The following MPHOSPH9 variants were observed in gnomAD, a reference collection of about 807,000 sequenced individuals.
MPHOSPH9 encodes M-phase phosphoprotein 9.
A neutral mutation model predicts 145.5 loss-of-function variants in MPHOSPH9; 88 were observed. That is an observed-to-expected ratio of 0.60 (90% CI 0.51 to 0.72). MPHOSPH9 has a LOEUF of 0.72. Among genes scored for constraint, MPHOSPH9 ranks in the 30% least tolerant of loss-of-function variants. The pLI is 0.00. For missense variants in MPHOSPH9, 1,238 were observed against 1,386.6 expected, an observed-to-expected ratio of 0.89 and a Z score of 1.70; for synonymous variants, 435 against 486.2, an observed-to-expected ratio of 0.89 and a Z score of 1.39.
intron 3 of MPHOSPH9, chr12:123,226,378 T>C (rs1251108118): frequency 9.5e-7 from 1 of 1,058,178 alleles, no homozygotes; most frequent in Middle Eastern, 3.0e-4. Context: ...ATTATGCTTC[T>C]AAAAGTACAA....
intron 12 of MPHOSPH9, among the ~76,000 whole-genome samples, chr12:123,197,006 G>C (rs577909850): frequency 1.3e-5 from 2 of 148,886 alleles, no homozygotes; most frequent in Non-Finnish European, 3.0e-5. Flanking sequence ...GACAGAATGT[G>C]GGGGGTGACG....
chr12:123,201,388 T>C (rs929901250), intron 11 of MPHOSPH9, among the ~76,000 whole-genome samples: 1 of 152,124 alleles, frequency 6.6e-6, no homozygotes, highest in Non-Finnish European at 1.5e-5. Flanking sequence ...AAGTCCTATT[T>C]ATTTATTTAG....
At chr12:123,195,402 T>A (rs1373108853) in intron 12 of MPHOSPH9, among the ~76,000 whole-genome samples, 1 of 151,500 alleles carries the variant, frequency 6.6e-6, no homozygotes, top group Non-Finnish European at 1.5e-5. Flanking sequence ...CTGGCCAACA[T>A]GGTGAAACCC....
intron 14 of MPHOSPH9, among the ~76,000 whole-genome samples, chr12:123,180,484 T>C (rs1188307810): frequency 6.6e-6 from 1 of 152,136 alleles, no homozygotes; most frequent in Admixed American, 6.6e-5. Flanking sequence ...AAATATGTAG[T>C]CTCCAAACAG....
chr12:123,168,072 G>A (rs1245046872), intron 16 of MPHOSPH9, among the ~76,000 whole-genome samples: 1 of 152,042 alleles, frequency 6.6e-6, no homozygotes, highest in Non-Finnish European at 1.5e-5. Flanking sequence ...TACGATCCTT[G>A]GCCTCTCCAT....
At chr12:123,224,757 G>A (rs746739972) in intron 3 of MPHOSPH9, among the ~76,000 whole-genome samples, 4 of 152,104 alleles carry the variant, frequency 2.6e-5, no homozygotes, top group Non-Finnish European at 4.4e-5. Flanking sequence ...TAAATATTTC[G>A]CACAGTATTC....
downstream of MPHOSPH9, among the ~76,000 whole-genome samples, chr12:123,153,884 T>A (rs934899289): frequency 4.7e-5 from 7 of 150,128 alleles, no homozygotes; most frequent in Non-Finnish European, 9.0e-5. Flanking sequence ...AAATCTCCCT[T>A]AATGAAAGGA....
chr12:123,213,049 C>T (rs1335976971), intron 7 of MPHOSPH9, among the ~76,000 whole-genome samples: 3 of 151,388 alleles, frequency 2.0e-5, no homozygotes, highest in East Asian at 2.0e-4. Flanking sequence ...TTAGTAGAGA[C>T]GGGGTTTCAC....
At chr12:123,158,225 G>T (rs886378880) in intron 23 of MPHOSPH9, among the ~76,000 whole-genome samples, 4 of 151,874 alleles carry the variant, frequency 2.6e-5, no homozygotes, top group Non-Finnish European at 5.9e-5. Flanking sequence ...CCTGACTGCA[G>T]GTGATCTGAT....
At chr12:123,219,958 A>G (rs942078475) in intron 5 of MPHOSPH9, among the ~76,000 whole-genome samples, 1 of 152,168 alleles carries the variant, frequency 6.6e-6, no homozygotes, top group Admixed American at 6.6e-5. Context: ...CAAGGTGGGC[A>G]TATGTTGTAA....
At chr12:123,204,591 T>G (rs2046349594) in intron 8 of MPHOSPH9, among the ~76,000 whole-genome samples, 1 of 152,146 alleles carries the variant, frequency 6.6e-6, no homozygotes, top group Non-Finnish European at 1.5e-5. Context: ...GATATGACCC[T>G]AGGCTGGACA....
In MPHOSPH9 at chr12:123,162,189, G is replaced by T; in HGVS notation, c.3059C>A (p.Thr1020Asn). 1 of 1,548,174 alleles carries T rather than the reference G, an allele frequency of 6.5e-7. No homozygotes were observed. The highest frequency in any genetic ancestry group is 1.3e-5 in the South Asian group (1 of 77,150). ...ACGTTGTAATGTAGACACAGGAACAGTATCTAAATCATCCAAAAGTATATC... is the reference window on the plus strand; with the variant it reads ...ACGTTGTAATGTAGACACAGGAACATTATCTAAATCATCCAAAAGTATATC... Reference protein sequence around the residue: ...RFDILLDDLDTVPVSTLQRTN... With the variant: ...RFDILLDDLDNVPVSTLQRTN... Residue 1020 changes from threonine (T) to asparagine (N), a missense_variant, in exon 21 of 24, where the codon ACT becomes AAT. This residue lies in a region of MPHOSPH9 where 393 missense variants were observed against 462.5 expected (regional missense o/e 0.85). Transcript: ENST00000606320.
At chr12:123,228,065 G>A (rs559186008) in intron 2 of MPHOSPH9, among the ~76,000 whole-genome samples, 1 of 152,246 alleles carries the variant, frequency 6.6e-6, no homozygotes, top group South Asian at 2.1e-4. Flanking sequence ...ATAAGCTGAT[G>A]CTTATCTCTG....
At chr12:123,234,249 A>C (rs549589982), upstream of MPHOSPH9, among the ~76,000 whole-genome samples, 13 of 152,292 alleles carry the variant, frequency 8.5e-5, 1 homozygote, top group South Asian at 2.5e-3. Flanking sequence ...GCTCACAGTA[A>C]AGGGACTTCC....
At chr12:123,201,811 A>G (rs887079857) in intron 11 of MPHOSPH9, among the ~76,000 whole-genome samples, 1 of 152,168 alleles carries the variant, frequency 6.6e-6, no homozygotes, top group Non-Finnish European at 1.5e-5. Context: ...TCCCCTGCAT[A>G]TCTTTGTGGG....
At chr12:123,218,334 C>T in intron 6 of MPHOSPH9, 42 bp downstream of exon 6, 2 of 1,610,820 alleles carry the variant, frequency 1.2e-6, no homozygotes, top group Non-Finnish European at 1.7e-6. Flanking sequence ...CCCACATAAT[C>T]ATCAGTACTG....
In MPHOSPH9 at chr12:123,156,718, T is replaced by G; in HGVS notation, c.*89A>C. On this transcript the variant is annotated 3_prime_UTR_variant, in exon 24 of 24. Coordinates refer to ENST00000606320, the MANE Select transcript of MPHOSPH9 (RefSeq NM_022782.4). ...TGTAAAACTACTGTTTGAAGGCTTA[T>G]AAACAGTACAAAATAGTTTGCCTTT... is the stretch of plus-strand genomic sequence containing the variant. 1.1e-6 allele frequency: 1 copy of G among 944,358 alleles called. No individual in the cohort carries two copies. Among genetic ancestry groups the G allele is most frequent in the South Asian group, 1.6e-5 (1 of 61,846 alleles). The allele number at this position is 944,358 out of a possible 1,614,324, so 58.5% of individuals were successfully genotyped here.
At chr12:123,229,384 A>G (rs2047551528) in intron 2 of MPHOSPH9, among the ~76,000 whole-genome samples, 1 of 152,244 alleles carries the variant, frequency 6.6e-6, no homozygotes, top group Non-Finnish European at 1.5e-5. Flanking sequence ...GATCTGTGTT[A>G]AGACCATTAA....
At chr12:123,235,232 A>G (rs1445535738), upstream of MPHOSPH9, among the ~76,000 whole-genome samples, 1 of 152,168 alleles carries the variant, frequency 6.6e-6, no homozygotes, top group Non-Finnish European at 1.5e-5. Flanking sequence ...CATTCTACAG[A>G]TGAGGAATTA....
Sources: allele counts gnomAD v4.1 joint callset (sites outside exome capture counted in the v4.1 genomes callset), GRCh38; gene constraint gnomAD v4.1.1; regional missense constraint gnomAD v4.1.1; transcripts MANE v1.5; gene names NCBI Gene and HGNC (gene_info 2026-07-23, HGNC 2026-07-21).